PRKN: variants seen among roughly 807,000 people sequenced by gnomAD.
PRKN encodes parkin RBR E3 ubiquitin protein ligase, also known as E3 ubiquitin-protein ligase parkin.
Under a neutral mutation model 59.5 loss-of-function variants are expected in PRKN, and 56 were observed. The observed-to-expected ratio is 0.94, with a 90% CI of 0.76 to 1.18. The LOEUF is 1.18. Ranked by LOEUF, PRKN falls within the 50% of genes most tolerant of loss-of-function variation. The pLI, the probability that PRKN is intolerant of heterozygous loss-of-function variation, is 0.00. For synonymous variants in PRKN, 250 were observed against 222.1 expected (o/e 1.13, Z -1.12); for missense variants, 657 against 596.4 (o/e 1.10, Z -1.06).
chr6:161,638,738 A>ATTTTTGTTTTT (rs1783621275), intron 7 of PRKN, among the ~76,000 whole-genome samples: 1 of 100,224 alleles, frequency 1.0e-5, no homozygotes, highest in Non-Finnish European at 1.8e-5. Context: ...ACGAGATCTG[A>ATTTTTGTTTTT]TTTTTTTTTT....
chr6:161,793,876 C>A (rs1374372644), intron 6 of PRKN, among the ~76,000 whole-genome samples: 1 of 152,174 alleles, frequency 6.6e-6, no homozygotes, highest in Middle Eastern at 3.2e-3. Flanking sequence ...ATCTCCTTTC[C>A]TAAGAGTTCC....
At chr6:162,398,351 T>C (rs1165928819) in intron 2 of PRKN, among the ~76,000 whole-genome samples, 5 of 151,918 alleles carry the variant, frequency 3.3e-5, no homozygotes. Context: ...ACAAATTTGC[T>C]GTTATAAAGA....
chr6:161,742,531 T>C (rs74947212), intron 7 of PRKN, among the ~76,000 whole-genome samples: 3,940 of 152,300 alleles, frequency 0.026, 179 homozygotes, highest in African/African-American at 0.091. Context: ...TCATCTGCCC[T>C]GAAACACCTC....
intron 1 of PRKN, among the ~76,000 whole-genome samples, chr6:162,452,993 A>G (rs558290238): frequency 5.9e-5 from 9 of 152,210 alleles, no homozygotes; most frequent in Non-Finnish European, 1.2e-4. Context: ...TGAAAAAACA[A>G]AAAGAGAGAA....
chr6:161,474,581 A>G (rs115492080), intron 9 of PRKN, among the ~76,000 whole-genome samples: 332 of 151,420 alleles, frequency 2.2e-3, no homozygotes, highest in African/African-American at 7.8e-3. Context: ...TGAAATACCA[A>G]CTATGTTCAC....
intron 2 of PRKN, among the ~76,000 whole-genome samples, chr6:162,342,090 A>G (rs1435738864): frequency 6.6e-6 from 1 of 152,148 alleles, no homozygotes; most frequent in Non-Finnish European, 1.5e-5. Context: ...TTAAGTTTGA[A>G]TTATTGCTAA....
chr6:162,046,648 A>C (rs925172248), intron 5 of PRKN, among the ~76,000 whole-genome samples: 1 of 152,332 alleles, frequency 6.6e-6, no homozygotes, highest in African/African-American at 2.4e-5. Flanking sequence ...AATCTTTAAC[A>C]CTACCATGAA....
chr6:161,808,509 G>A (rs1216888472), intron 6 of PRKN, among the ~76,000 whole-genome samples: 2 of 152,120 alleles, frequency 1.3e-5, no homozygotes, highest in Non-Finnish European at 2.9e-5. Context: ...ACACAGAAAA[G>A]GAGATATAGC....
intron 6 of PRKN, among the ~76,000 whole-genome samples, chr6:161,845,254 GC>G (rs1207690564): frequency 1.1e-4 from 17 of 152,324 alleles, no homozygotes; most frequent in Non-Finnish European, 2.4e-4. Flanking sequence ...CTGGCCAGTA[GC>G]CTCTAGGCTG....
intron 2 of PRKN, among the ~76,000 whole-genome samples, chr6:162,355,413 A>G (rs558823138): frequency 6.6e-6 from 1 of 152,034 alleles, no homozygotes; most frequent in East Asian, 1.9e-4. Flanking sequence ...CTATCTATAT[A>G]TATATAACAA....
intron 6 of PRKN, among the ~76,000 whole-genome samples, chr6:161,947,323 A>C (rs1779819066): frequency 1.3e-5 from 2 of 152,196 alleles, no homozygotes; most frequent in Admixed American, 6.5e-5. Flanking sequence ...CAGAAGTTCA[A>C]AACTGTGGTG....
At chr6:161,733,959 T>TACAC (rs10597403) in intron 7 of PRKN, among the ~76,000 whole-genome samples, 143 of 133,646 alleles carry the variant, frequency 1.1e-3, no homozygotes, top group Middle Eastern at 7.6e-3. Context: ...AAAATTCATT[T>TACAC]ACACACACAC....
chr6:161,870,151 C>T (rs548342055), intron 6 of PRKN, among the ~76,000 whole-genome samples: 1 of 152,190 alleles, frequency 6.6e-6, no homozygotes, highest in South Asian at 2.1e-4. Flanking sequence ...AGATCAGGCA[C>T]GTTCAGGGTG....
At chr6:162,568,320 C>A in intron 1 of PRKN, 1 of 317,494 alleles carries the variant, frequency 3.1e-6, no homozygotes, top group South Asian at 4.1e-5. Context: ...AGCAGCTTCT[C>A]TGCTCCTTCT....
At chr6:162,470,207 C>A (rs1791662206) in intron 1 of PRKN, among the ~76,000 whole-genome samples, 1 of 152,102 alleles carries the variant, frequency 6.6e-6, no homozygotes, top group African/African-American at 2.4e-5. Context: ...GATTTCTAGA[C>A]CCTATGTCCT....
At chr6:161,567,393 C>T (rs1362356147) in intron 8 of PRKN, among the ~76,000 whole-genome samples, 1 of 152,102 alleles carries the variant, frequency 6.6e-6, no homozygotes, top group Non-Finnish European at 1.5e-5. Context: ...TGATAGCCAT[C>T]TAACATAATA....
At chr6:161,614,714 G>A (rs1366368484) in intron 7 of PRKN, among the ~76,000 whole-genome samples, 1 of 152,126 alleles carries the variant, frequency 6.6e-6, no homozygotes, top group Non-Finnish European at 1.5e-5. Flanking sequence ...AATCTATTTG[G>A]TGCCACTAAT....
At chr6:161,494,205 A>T (rs186189672) in intron 9 of PRKN, among the ~76,000 whole-genome samples, 12,703 of 152,186 alleles carry the variant, frequency 0.083, 778 homozygotes, top group African/African-American at 0.17. Flanking sequence ...GCAAATGCCC[A>T]CTGGGTTACT....
chr6:162,431,720 T>C (rs975011186), intron 2 of PRKN, among the ~76,000 whole-genome samples: 1 of 152,200 alleles, frequency 6.6e-6, no homozygotes, highest in African/African-American at 2.4e-5. Flanking sequence ...GCCAATCATT[T>C]TGAATAAGAG....
Sources: gnomAD v4.1 joint callset for allele counts (sites outside exome capture counted in the v4.1 genomes callset) on GRCh38, gnomAD v4.1.1 for gene constraint, MANE v1.5 for transcripts, NCBI Gene and HGNC (gene_info 2026-07-23, HGNC 2026-07-21) for gene names.